Variants in TLL1 observed in about 807,000 individuals in gnomAD.
The protein encoded by TLL1 is tolloid like 1, also known as tolloid-like protein 1.
Under a neutral mutation model 128.2 loss-of-function variants are expected in TLL1, and 49 were observed. The ratio of observed to expected loss-of-function variants is 0.38; its 90% CI spans 0.30 to 0.48. The LOEUF is 0.48. Ranked by LOEUF, TLL1 falls within the 20% of genes least tolerant of loss-of-function variation. The pLI is 0.96. For missense variants in TLL1, 1,123 were observed against 1,242.0 expected (o/e 0.90, Z 1.44); for synonymous variants, 454 against 418.8 (o/e 1.08, Z -1.03).
At chr4:165,995,587 A>C (rs746004146) in intron 5 of TLL1, among the ~76,000 whole-genome samples, 2 of 152,058 alleles carry the variant, frequency 1.3e-5, no homozygotes, top group Non-Finnish European at 2.9e-5. Flanking sequence ...TTATCATCTC[A>C]CACCTGGTCT....
intron 1 of TLL1, among the ~76,000 whole-genome samples, chr4:165,936,214 TTC>T (rs1733755493): frequency 1.4e-5 from 2 of 139,430 alleles, no homozygotes; most frequent in African/African-American, 5.1e-5. Context: ...ATATTTTTTT[TTC>T]TTTTTTCTTT....
intron 1 of TLL1, among the ~76,000 whole-genome samples, chr4:165,898,807 CA>C (rs2110847367): frequency 6.6e-6 from 1 of 152,276 alleles, no homozygotes; most frequent in East Asian, 1.9e-4. Flanking sequence ...GGAATGGTAC[CA>C]GCTCCTCTTT....
intron 1 of TLL1, among the ~76,000 whole-genome samples, chr4:165,955,836 T>C (rs1303247871): frequency 1.3e-5 from 2 of 152,118 alleles, no homozygotes; most frequent in Non-Finnish European, 2.9e-5. Flanking sequence ...CAGGGTAACC[T>C]GCCCCCAATA....
intron 18 of TLL1, among the ~76,000 whole-genome samples, chr4:166,089,981 A>G (rs7686750): frequency 0.069 from 10,444 of 151,846 alleles, 627 homozygotes; most frequent in African/African-American, 0.16. Flanking sequence ...TAGACAGTGG[A>G]TTCACACTGA....
At chr4:165,876,511 C>T (rs1730730165) in intron 1 of TLL1, among the ~76,000 whole-genome samples, 1 of 152,180 alleles carries the variant, frequency 6.6e-6, no homozygotes. Flanking sequence ...CTGAGCTCCT[C>T]TAATAGGGTC....
chr4:166,087,757 T>C (rs755111848), intron 18 of TLL1, among the ~76,000 whole-genome samples: 6 of 152,178 alleles, frequency 3.9e-5, no homozygotes, highest in Non-Finnish European at 7.4e-5. Flanking sequence ...GAGAACAGCG[T>C]CTGGAAGCCT....
chr4:165,927,621 C>G (rs1468844045), intron 1 of TLL1, among the ~76,000 whole-genome samples: 1 of 152,164 alleles, frequency 6.6e-6, no homozygotes, highest in East Asian at 1.9e-4. Flanking sequence ...AGAAGATTAT[C>G]TCCTGTAAGA....
At chr4:166,055,596 G>T (rs922859122) in intron 13 of TLL1, among the ~76,000 whole-genome samples, 1 of 152,126 alleles carries the variant, frequency 6.6e-6, no homozygotes, top group South Asian at 2.1e-4. Flanking sequence ...ACAGAAGAAG[G>T]TTACTGACAT....
At chr4:165,972,797 C>A (rs1437348805) in intron 1 of TLL1, among the ~76,000 whole-genome samples, 4 of 152,134 alleles carry the variant, frequency 2.6e-5, no homozygotes, top group African/African-American at 9.7e-5. Flanking sequence ...TTCCATAATA[C>A]CACCTTCTAC....
chr4:165,960,281 A>T (rs1270561069), intron 1 of TLL1, among the ~76,000 whole-genome samples: 1 of 152,142 alleles, frequency 6.6e-6, no homozygotes, highest in Non-Finnish European at 1.5e-5. Context: ...TGAAACCCTG[A>T]ACAGACCAAT....
intron 1 of TLL1, among the ~76,000 whole-genome samples, chr4:165,916,857 A>G (rs1732802299): frequency 6.6e-6 from 1 of 152,156 alleles, no homozygotes; most frequent in South Asian, 2.1e-4. Context: ...TGCCAGAAAA[A>G]TCATGTATTT....
At chr4:165,890,893 G>C (rs183988256) in intron 1 of TLL1, among the ~76,000 whole-genome samples, 97 of 152,322 alleles carry the variant, frequency 6.4e-4, no homozygotes, top group Non-Finnish European at 1.2e-3. Context: ...CCCTAGCAGA[G>C]GTTCTCCATG....
Position 166,011,935 on chromosome 4 carries a change from TCTTAGTTTTAAAAATTCTG to T in TLL1, c.918-2500_918-2482del, listed in dbSNP as rs200280548. 9.6e-4 allele frequency among the ~76,000 whole-genome samples: 145 copies of T among 151,662 alleles called. 2 individuals carry two copies. In the South Asian group the frequency reaches 0.02, roughly 21 times the overall value. On this transcript the variant is annotated intron_variant, in intron 7 of 20. Transcript: ENST00000061240. Reference sequence around the variant, plus strand: ...TCTGTTAATGTAGGTATTTGAAGTTTCTTAGTTTTAAAAATTCTGAACTCACAGAGTCTATAAAAGTTCC... The same window carrying T: ...TCTGTTAATGTAGGTATTTGAAGTTTAACTCACAGAGTCTATAAAAGTTCC...
At chr4:166,033,696 C>G (rs1041851216) in intron 9 of TLL1, among the ~76,000 whole-genome samples, 49 of 152,130 alleles carry the variant, frequency 3.2e-4, no homozygotes, top group Non-Finnish European at 5.9e-5. Context: ...ACATGCATAT[C>G]TTTCTTAGAT....
At chr4:165,928,476 A>AT (rs530003889) in intron 1 of TLL1, among the ~76,000 whole-genome samples, 103 of 152,268 alleles carry the variant, frequency 6.8e-4, no homozygotes, top group African/African-American at 2.4e-3. Context: ...GAGAGTAGGG[A>AT]TTTGCCAGGA....
chr4:165,991,451 AG>A lies in TLL1; in HGVS notation c.281-1351del, dbSNP rs1423481840. ...TTTAAAATGTTTCTCCTAATTGCTT[AG>A]GAATGAATGTATTTAAGTATTACCT... On this transcript the variant is annotated intron_variant, in intron 2 of 20. Transcript: ENST00000061240. 3.9e-5 allele frequency among the ~76,000 whole-genome samples: 6 copies of A among 152,108 alleles called. 1 individual carries two copies. The highest frequency in any genetic ancestry group is 1.4e-4 in the African/African-American group (6 of 41,552).
chr4:165,989,378 T>C lies in TLL1; in HGVS notation c.170-3T>C. 3.1e-6 allele frequency: 5 copies of C among 1,604,156 alleles called. No homozygotes were observed. Among genetic ancestry groups the C allele is most frequent in the Non-Finnish European group, 4.3e-6 (5 of 1,171,988 alleles). ...CATTTTAATTCAACTTTTCTTTTTT[T>C]AGCTGTATTTTGGGGCGATATTGCC... is the stretch of plus-strand genomic sequence containing the variant. On this transcript the variant is annotated splice_polypyrimidine_tract_variant and splice_region_variant and intron_variant, in intron 1 of 20. Transcript: ENST00000061240.
At chr4:165,901,805 G>A (rs1200679481) in intron 1 of TLL1, among the ~76,000 whole-genome samples, 1 of 152,188 alleles carries the variant, frequency 6.6e-6, no homozygotes, top group Non-Finnish European at 1.5e-5. Flanking sequence ...TTCAGAGCTG[G>A]CAGGCAGGAA....
chr4:166,005,485 A>G (rs926021114), intron 6 of TLL1, among the ~76,000 whole-genome samples: 3 of 152,002 alleles, frequency 2.0e-5, no homozygotes, highest in Non-Finnish European at 1.5e-5. Flanking sequence ...AAATCAGTGG[A>G]TTGTGGTGTC....
Sources: allele counts gnomAD v4.1 joint callset (sites outside exome capture counted in the v4.1 genomes callset), GRCh38; gene constraint gnomAD v4.1.1; transcripts MANE v1.5; gene names NCBI Gene and HGNC (gene_info 2026-07-23, HGNC 2026-07-21).